SRRM3: variants seen among roughly 807,000 people sequenced by gnomAD.
The protein encoded by SRRM3 is serine/arginine repetitive matrix 3.
In SRRM3, 27 loss-of-function variants were observed where a neutral mutation model predicts 66.2. That is an observed-to-expected ratio of 0.41 (90% CI 0.30 to 0.56). The LOEUF (loss-of-function observed/expected upper bound fraction) is 0.56, where lower values mean the gene tolerates loss of function less well. Among genes scored for constraint, SRRM3 ranks in the 20% least tolerant of loss-of-function variants. SRRM3 has a pLI of 0.32. For missense variants in SRRM3, 918 were observed against 991.9 expected, an observed-to-expected ratio of 0.93 and a Z score of 1.00; for synonymous variants, 391 against 414.9, an observed-to-expected ratio of 0.94 and a Z score of 0.70.
rs201397401 is a variant in SRRM3 at position 76,228,347 on chromosome 7, AG to A, written c.-39-6680del. Among the ~76,000 whole-genome samples the A allele has an allele frequency of 7.0e-3, 1,064 of 152,250 alleles. 18 individuals are homozygous for A. The highest frequency in any genetic ancestry group is 0.024 in the African/African-American group (994 of 41,540). ...CTCTTAGGGAATTCTAAGGACCAGT[AG>A]TATTGGTGTTACTTGTTAGAAATGC... is the stretch of plus-strand genomic sequence containing the variant. On this transcript the variant is annotated intron_variant, in intron 1 of 14. Coordinates refer to ENST00000611745, the MANE Select transcript of SRRM3 (RefSeq NM_001110199.3).
intron 3 of SRRM3, among the ~76,000 whole-genome samples, chr7:76,259,302 C>CTGCAGGGTGGCTCA (rs1554608196): frequency 6.6e-6 from 1 of 151,934 alleles, no homozygotes; most frequent in East Asian, 1.9e-4. Flanking sequence ...CCACCCACGA[C>CTGCAGGGTGGCTCA]TGCAGGGTGG....
chr7:76,286,060 C>T lies in SRRM3; in HGVS notation c.*217C>T. The T allele has an allele frequency of 1.7e-6, 1 of 595,434 alleles. No individual in the cohort carries two copies. Among genetic ancestry groups the T allele is most frequent in the Non-Finnish European group, 3.0e-6 (1 of 328,034 alleles). 36.9% of individuals were successfully genotyped at this position (595,434 alleles called of 1,614,324 possible). ...TGTGCTGCTTCTACGGGTGTCCTCT[C>T]CCACCTCCTGTCCACCCACTGTGCC... On this transcript the variant is annotated 3_prime_UTR_variant, in exon 15 of 15. Coordinates refer to ENST00000611745, the MANE Select transcript of SRRM3 (RefSeq NM_001110199.3).
At chr7:76,238,927 G>A (rs1000345802) in intron 2 of SRRM3, among the ~76,000 whole-genome samples, 2 of 151,854 alleles carry the variant, frequency 1.3e-5, no homozygotes, top group Admixed American at 1.3e-4. Context: ...CTCCCAAAAT[G>A]CTGGGATTAC....
chr7:76,276,252 GCCCA>G (rs1454487435), intron 11 of SRRM3, among the ~76,000 whole-genome samples: 2 of 152,130 alleles, frequency 1.3e-5, no homozygotes, highest in African/African-American at 4.8e-5. Flanking sequence ...GCAGACATGT[GCCCA>G]GCACCTCCTT....
chr7:76,240,721 A>G (rs1243525540), intron 2 of SRRM3, among the ~76,000 whole-genome samples: 1 of 151,966 alleles, frequency 6.6e-6, no homozygotes, highest in Non-Finnish European at 1.5e-5. Context: ...AAATCCCCAA[A>G]GCCACAATGC....
chr7:76,267,193 C>G (rs938361647), intron 10 of SRRM3, 65 bp from the exon 11 acceptor site: 67 of 1,383,406 alleles, frequency 4.8e-5, no homozygotes, highest in Non-Finnish European at 6.2e-5. Context: ...AAAGAGGAGG[C>G]GCAACTGCTT....
At chr7:76,232,181 G>A (rs545099359) in intron 1 of SRRM3, among the ~76,000 whole-genome samples, 58 of 152,276 alleles carry the variant, frequency 3.8e-4, no homozygotes, top group African/African-American at 1.3e-3. Flanking sequence ...TGAAAGCTAA[G>A]CTGCCCTCAG....
intron 1 of SRRM3, among the ~76,000 whole-genome samples, chr7:76,232,612 G>A (rs1373816292): frequency 2.6e-5 from 4 of 151,968 alleles, no homozygotes; most frequent in Non-Finnish European, 5.9e-5. Context: ...ACCAGCCAGA[G>A]GGGAAAGGAA....
intron 3 of SRRM3, among the ~76,000 whole-genome samples, chr7:76,251,397 CGG>C (rs1190420523): frequency 3.4e-5 from 5 of 146,590 alleles, no homozygotes; most frequent in African/African-American, 1.3e-4. Flanking sequence ...TTTTTTGAGA[CGG>C]AGTCTCGCTC....
At chr7:76,245,950 A>C (rs1554606118) in intron 2 of SRRM3, among the ~76,000 whole-genome samples, 1 of 151,970 alleles carries the variant, frequency 6.6e-6, no homozygotes, top group East Asian at 1.9e-4. Flanking sequence ...TGCCCACCTC[A>C]GCCTCCCAAA....
At chr7:76,248,368 A>T (rs1175905363) in intron 3 of SRRM3, 79 bp downstream of exon 3, 1 of 1,097,220 alleles carries the variant, frequency 9.1e-7, no homozygotes, top group East Asian at 2.5e-5. Flanking sequence ...GGGCCTGTCC[A>T]GGTGGCTTGG....
intron 14 of SRRM3, among the ~76,000 whole-genome samples, chr7:76,284,956 T>C (rs892861167): frequency 6.6e-6 from 1 of 152,154 alleles, no homozygotes; most frequent in Admixed American, 6.5e-5. Context: ...AATTCCTTGA[T>C]TGCAGAGGGG....
At chr7:76,283,226 G>T (rs1023059527) in intron 14 of SRRM3, 125 bp downstream of exon 14, 297 of 1,149,318 alleles carry the variant, frequency 2.6e-4, no homozygotes, top group Middle Eastern at 1.2e-3. Context: ...GATGGGGGGG[G>T]GTGCTAAGGG....
At chr7:76,207,651 C>G (rs114593327) in intron 1 of SRRM3, among the ~76,000 whole-genome samples, 1,572 of 152,060 alleles carry the variant, frequency 0.01, 24 homozygotes, top group African/African-American at 0.033. Context: ...ATCGCTTGAG[C>G]CCAGCAGTTT....
At chr7:76,230,069 T>A (rs1476038832) in intron 1 of SRRM3, among the ~76,000 whole-genome samples, 1 of 152,176 alleles carries the variant, frequency 6.6e-6, no homozygotes, top group South Asian at 2.1e-4. Flanking sequence ...ATTCTTCCAA[T>A]GTCTCCGGCT....
intron 1 of SRRM3, among the ~76,000 whole-genome samples, chr7:76,222,624 A>AT (rs1256972233): frequency 6.6e-6 from 1 of 151,482 alleles, no homozygotes; most frequent in African/African-American, 2.4e-5. Flanking sequence ...TGTTTTTTTA[A>AT]TTTTTTTAAT....
chr7:76,206,732 C>A (rs372638463), intron 1 of SRRM3, among the ~76,000 whole-genome samples: 1 of 152,294 alleles, frequency 6.6e-6, no homozygotes, highest in East Asian at 1.9e-4. Flanking sequence ...TCCTCGCCCC[C>A]CAAGGACTCC....
At chr7:76,253,676 C>T (rs1554607266) in intron 3 of SRRM3, among the ~76,000 whole-genome samples, 3 of 149,014 alleles carry the variant, frequency 2.0e-5, no homozygotes, top group South Asian at 2.2e-4. Context: ...ATTAACTGGG[C>T]GTGTTGGCAC....
intron 1 of SRRM3, among the ~76,000 whole-genome samples, chr7:76,205,614 C>T (rs982836407): frequency 2.6e-5 from 4 of 152,206 alleles, no homozygotes; most frequent in Non-Finnish European, 5.9e-5. Context: ...TAGTCCCATG[C>T]CTGTGGTCCT....
Sources: allele counts gnomAD v4.1 joint callset (sites outside exome capture counted in the v4.1 genomes callset), GRCh38; gene constraint gnomAD v4.1.1; transcripts MANE v1.5; gene names NCBI Gene and HGNC (gene_info 2026-07-23, HGNC 2026-07-21).